Variants in CEP95 observed in about 807,000 individuals in gnomAD.
The protein encoded by CEP95 is centrosomal protein of 95 kDa.
Under a neutral mutation model 111.2 loss-of-function variants are expected in CEP95, and 98 were observed. That is an observed-to-expected ratio of 0.88 (90% CI 0.75 to 1.04). The LOEUF (loss-of-function observed/expected upper bound fraction) is 1.04, where lower values mean the gene tolerates loss of function less well. Among genes scored for constraint, CEP95 ranks in the 50% least tolerant of loss-of-function variants. CEP95 has a pLI of 0.00. For missense variants in CEP95, 1,027 were observed against 977.2 expected, an observed-to-expected ratio of 1.05 and a Z score of -0.68; for synonymous variants, 323 against 327.1, an observed-to-expected ratio of 0.99 and a Z score of 0.14.
chr17:64,513,684 C>T (rs2039000512), intron 3 of CEP95, among the ~76,000 whole-genome samples: 1 of 152,004 alleles, frequency 6.6e-6, no homozygotes, highest in South Asian at 2.1e-4. Flanking sequence ...ATGATCTATA[C>T]AAAATGAGGA....
intron 11 of CEP95, among the ~76,000 whole-genome samples, chr17:64,528,207 A>G (rs1179717654): frequency 6.6e-6 from 1 of 152,068 alleles, no homozygotes; most frequent in East Asian, 1.9e-4. Flanking sequence ...ACCAACTAAA[A>G]TCCTGCATAT....
At chr17:64,516,667 A>C in intron 4 of CEP95, 56 bp from the exon 5 acceptor site, 1 of 1,077,392 alleles carries the variant, frequency 9.3e-7, no homozygotes, top group South Asian at 1.5e-5. Flanking sequence ...TCTTACATAG[A>C]AAAAGTAGTA....
rs782136617 is a variant in CEP95, at chr17:64,508,627, T to C, written c.55T>C (p.Cys19Arg). ...CATTGCCAATAACCTTCTTTTTAAG[T>C]GTCATATACATCTGAGAATACATGA... The part of the protein sequence containing the change: ...VTIANNLLFK[C>R]HIHLRIHELQ... The change falls in exon 2 of 20, where the codon TGT (cysteine) becomes CGT (arginine). Residue 19 changes from cysteine to arginine, a missense_variant. By Grantham distance (180) the Cys-to-Arg change is radical (BLOSUM62 -3). Coordinates refer to ENST00000556440, the MANE Select transcript of CEP95 (RefSeq NM_138363.3). 7.6e-6 allele frequency: 11 copies of C among 1,439,574 alleles called. No individual in the cohort carries two copies. Among genetic ancestry groups the C allele is most frequent in the Non-Finnish European group, 1.0e-5 (11 of 1,086,284 alleles). The allele number at this position is 1,439,574 out of a possible 1,614,324, so 89.2% of individuals were successfully genotyped here.
At position 64,532,888 on chromosome 17, in the gene CEP95, G is replaced by A. The variant is rs376289172; in HGVS notation, c.1722G>A (p.Pro574=). The A allele has an allele frequency of 7.9e-5, 127 of 1,613,676 alleles. No homozygotes were observed. The highest frequency in any genetic ancestry group is 1.0e-4 in the Non-Finnish European group (121 of 1,179,830). The change falls in exon 15 of 20, where the codon CCG becomes CCA. Residue 574 remains proline, a synonymous_variant. Coordinates refer to ENST00000556440, the MANE Select transcript of CEP95 (RefSeq NM_138363.3). ...SLLPLMLEQF[P]FLYVSGPTLS... ...TGCCCCTTATGCTGGAGCAGTTTCCGTTTCTTTATGTTTCTGGCCCAACAC... is the reference window on the plus strand; with the variant it reads ...TGCCCCTTATGCTGGAGCAGTTTCCATTTCTTTATGTTTCTGGCCCAACAC...
intron 11 of CEP95, among the ~76,000 whole-genome samples, chr17:64,527,903 C>T (rs1967982682): frequency 6.7e-6 from 1 of 150,214 alleles, no homozygotes; most frequent in East Asian, 2.0e-4. Context: ...CACACACACA[C>T]ACACGCGTGT....
In CEP95 at chr17:64,533,121, A is replaced by G; in HGVS notation, c.1847A>G (p.Glu616Gly). Reference protein sequence around the residue: ...RSKKKLQDEIEEALRRHDLLT... With the variant: ...RSKKKLQDEIGEALRRHDLLT... ...AACTTCATGTCCCCCTTCAAGATAG[A>G]AGAAGCCCTAAGAAGGCATGACCTC... The change falls in exon 16 of 20, where the codon GAA becomes GGA. Residue 616 changes from glutamate (E) to glycine (G), a missense_variant. Physicochemically the swap from Glu to Gly is moderately conservative, Grantham distance 98. Transcript: ENST00000556440. 1 of 1,603,756 alleles carries G rather than the reference A, an allele frequency of 6.2e-7. No individual in the cohort carries two copies. Among genetic ancestry groups the G allele is most frequent in the South Asian group, 1.1e-5 (1 of 89,082 alleles).
intron 12 of CEP95, among the ~76,000 whole-genome samples, chr17:64,530,289 G>C (rs1036831913): frequency 8.5e-5 from 13 of 152,130 alleles, no homozygotes; most frequent in African/African-American, 3.1e-4. Context: ...AGGAGGCTGA[G>C]GCAGGAGAAT....
intron 11 of CEP95, among the ~76,000 whole-genome samples, 176 bp from the exon 12 acceptor site, chr17:64,529,112 T>C (rs1261181797): frequency 6.6e-6 from 1 of 152,230 alleles, no homozygotes; most frequent in African/African-American, 2.4e-5. Context: ...TACACATTTG[T>C]ATGCATTTGT....
intron 5 of CEP95, among the ~76,000 whole-genome samples, chr17:64,518,673 C>G (rs1330115033): frequency 6.6e-6 from 1 of 152,038 alleles, no homozygotes; most frequent in African/African-American, 2.4e-5. Flanking sequence ...AGGAGACCAT[C>G]ATAAGATGAA....
intron 8 of CEP95, among the ~76,000 whole-genome samples, chr17:64,524,318 T>A (rs1292466218): frequency 1.3e-5 from 2 of 151,308 alleles, no homozygotes; most frequent in Non-Finnish European, 2.9e-5. Context: ...GTTTGTTTTA[T>A]TTTTTTTTGA....
At chr17:64,509,658 C>A (rs956750028) in intron 2 of CEP95, among the ~76,000 whole-genome samples, 7 of 152,152 alleles carry the variant, frequency 4.6e-5, no homozygotes, top group African/African-American at 7.2e-5. Flanking sequence ...GCATTCCAGC[C>A]TGGGCGATAG....
chr17:64,526,225 T>C lies in CEP95; in HGVS notation c.1152+25T>C, dbSNP rs181891189. On this transcript the variant is annotated intron_variant, in intron 10 of 19. Coordinates refer to ENST00000556440, the MANE Select transcript of CEP95 (RefSeq NM_138363.3). ...GGCAAGTCTTGTTTTTTCATCTATA[T>C]TGAGATTCCCATGGGTTAAGTGAGC... The C allele has an allele frequency of 4.3e-4, 694 of 1,595,878 alleles. 1 individual carries two copies. The highest frequency in any genetic ancestry group is 1.5e-3 in the Admixed American group (83 of 56,062).
Position 64,526,132 on chromosome 17 carries a change from A to G in CEP95, c.1084A>G (p.Arg362Gly), listed in dbSNP as rs782072764. 6.2e-7 allele frequency: 1 copy of G among 1,613,858 alleles called. No individual in the cohort carries two copies. Among genetic ancestry groups the G allele is most frequent in the Admixed American group, 1.7e-5 (1 of 60,016 alleles). ...ACCTTTCCCCCAGAGGCCAAGAAAG[A>G]GATTAACAGAACAAGAATTACATGA... is the stretch of plus-strand genomic sequence containing the variant. ...NSPFPQRPRK[R>G]LTEQELHDVS... Residue 362 changes from arginine (R) to glycine (G), a missense_variant, in exon 10 of 20, where the codon AGA (arginine) becomes GGA (glycine). By Grantham distance (125) the Arg-to-Gly change is moderately radical. Transcript: ENST00000556440.
chr17:64,512,275 C>T (rs1182573091), intron 3 of CEP95, among the ~76,000 whole-genome samples: 4 of 152,152 alleles, frequency 2.6e-5, no homozygotes, highest in Admixed American at 6.5e-5. Context: ...ACAAGAAACT[C>T]GTAATACTGA....
Position 64,522,901 on chromosome 17 carries a change from T to C in CEP95, c.909+6T>C, listed in dbSNP as rs78342426. On this transcript the variant is annotated splice_donor_region_variant and intron_variant, in intron 8 of 19. Coordinates refer to ENST00000556440, the MANE Select transcript of CEP95 (RefSeq NM_138363.3). ...AGCATACGGAATTTTCTGGGGTAAGTGGAAAAGCTTACTTTCAGTTGGCTA... is the reference window on the plus strand; with the variant it reads ...AGCATACGGAATTTTCTGGGGTAAGCGGAAAAGCTTACTTTCAGTTGGCTA... 9.4e-3 allele frequency: 14,981 copies of C among 1,597,192 alleles called. 83 individuals are homozygous for C. Among genetic ancestry groups the C allele is most frequent in the Non-Finnish European group, 0.012 (13,655 of 1,170,888 alleles).
intron 3 of CEP95, among the ~76,000 whole-genome samples, chr17:64,511,392 C>A (rs1369753620): frequency 6.6e-6 from 1 of 152,212 alleles, no homozygotes; most frequent in African/African-American, 2.4e-5. Context: ...GACCTGCCCC[C>A]AGGCGTGTAT....
chr17:64,512,881 A>T (rs1298520567), intron 3 of CEP95, among the ~76,000 whole-genome samples: 3 of 152,178 alleles, frequency 2.0e-5, no homozygotes, highest in Non-Finnish European at 4.4e-5. Flanking sequence ...TGTTAAACAT[A>T]CTATAGCAGG....
At chr17:64,529,739 C>T (rs781863170) in intron 12 of CEP95, among the ~76,000 whole-genome samples, 3 of 152,076 alleles carry the variant, frequency 2.0e-5, no homozygotes, top group Non-Finnish European at 2.9e-5. Context: ...GTGGATTAAA[C>T]GTGAAAGGCC....
At chr17:64,515,277 A>G (rs1318115740) in intron 4 of CEP95, among the ~76,000 whole-genome samples, 3 of 152,220 alleles carry the variant, frequency 2.0e-5, no homozygotes, top group Non-Finnish European at 2.9e-5. Flanking sequence ...CAATAAAAGC[A>G]TAAAGGGGGA....
Sources: gnomAD v4.1 joint callset for allele counts (sites outside exome capture counted in the v4.1 genomes callset) on GRCh38, gnomAD v4.1.1 for gene constraint, MANE v1.5 for transcripts, NCBI Gene and HGNC (gene_info 2026-07-23, HGNC 2026-07-21) for gene names.